The following ZNF280D variants were observed in gnomAD, a reference collection of about 807,000 sequenced individuals.
The protein encoded by ZNF280D is suppressor of hairy wing homolog 4.
A neutral mutation model predicts 94.7 loss-of-function variants in ZNF280D; 39 were observed. The observed-to-expected ratio is 0.41, with a 90% confidence interval of 0.32 to 0.54. ZNF280D has a LOEUF of 0.54. Ranked by LOEUF, ZNF280D falls within the 20% of genes least tolerant of loss-of-function variation. The pLI is 0.22. For synonymous variants in ZNF280D, 398 were observed against 377.6 expected (o/e 1.05, Z -0.63); for missense variants, 1,090 against 1,149.3 (o/e 0.95, Z 0.75).
At chr15:56,644,746 T>C (rs2052797054) in intron 19 of ZNF280D, among the ~76,000 whole-genome samples, 1 of 152,156 alleles carries the variant, frequency 6.6e-6, no homozygotes. Flanking sequence ...ATTGCTGGCA[T>C]TTCAACAGAG....
At chr15:56,647,740 A>G (rs1314552972) in intron 19 of ZNF280D, among the ~76,000 whole-genome samples, 1 of 152,116 alleles carries the variant, frequency 6.6e-6, no homozygotes, top group Non-Finnish European at 1.5e-5. Flanking sequence ...CATGTTGCGC[A>G]GGCTGGTCTC....
chr15:56,670,132 C>T (rs1384924922), intron 13 of ZNF280D, among the ~76,000 whole-genome samples: 1 of 129,130 alleles, frequency 7.7e-6, no homozygotes, highest in East Asian at 2.3e-4. Context: ...TAAAGGAATG[C>T]CTTATCTAAA....
At chr15:56,697,692 G>C (rs1173425831) in intron 6 of ZNF280D, 2 of 152,028 alleles carry the variant, frequency 1.3e-5, no homozygotes, top group African/African-American at 4.8e-5. Flanking sequence ...AACCCAAAAA[G>C]ACTTTTTGTT....
intron 9 of ZNF280D, among the ~76,000 whole-genome samples, chr15:56,686,320 G>C (rs1363510513): frequency 6.6e-6 from 1 of 152,138 alleles, no homozygotes; most frequent in Non-Finnish European, 1.5e-5. Context: ...TGTATTTTTA[G>C]TAGAGATGGG....
intron 19 of ZNF280D, among the ~76,000 whole-genome samples, chr15:56,648,712 A>G (rs1210395637): frequency 2.6e-5 from 4 of 152,194 alleles, no homozygotes; most frequent in African/African-American, 9.7e-5. Flanking sequence ...GAGTAAATAA[A>G]TGCAAAACAC....
Position 56,733,310 on chromosome 15 carries a change from C to A in ZNF280D, c.-86+148G>T, listed in dbSNP as rs973400826. 3.7e-5 allele frequency: 11 copies of A among 300,254 alleles called. No individual in the cohort carries two copies. The South Asian group carries it at 1.4e-3, about 38-fold the overall frequency. The allele number at this position is 300,254 out of a possible 1,614,324, so 18.6% of individuals were successfully genotyped here. A position where few individuals can be genotyped will look rare whatever the true frequency, so the allele number is the denominator to read the frequency against. On this transcript the variant is annotated intron_variant, in intron 1 of 21. Coordinates refer to ENST00000267807, the MANE Select transcript of ZNF280D (RefSeq NM_017661.4). ...GTCCGGCCGCCGCCGCGCAGCCGGTCTCCTCCCCCGCGCTCTGGGCGCTCC... is the reference window on the plus strand; with the variant it reads ...GTCCGGCCGCCGCCGCGCAGCCGGTATCCTCCCCCGCGCTCTGGGCGCTCC...
At chr15:56,714,769 A>C (rs1430389688) in intron 1 of ZNF280D, among the ~76,000 whole-genome samples, 2 of 152,200 alleles carry the variant, frequency 1.3e-5, no homozygotes, top group Admixed American at 6.5e-5. Context: ...TGAAGCCAAA[A>C]CAATTCTCCA....
intron 1 of ZNF280D, among the ~76,000 whole-genome samples, chr15:56,721,729 A>C (rs2058372844): frequency 6.6e-6 from 1 of 152,238 alleles, no homozygotes; most frequent in African/African-American, 2.4e-5. Context: ...CCTTTGGCTT[A>C]AGGGAATGTT....
intron 13 of ZNF280D, among the ~76,000 whole-genome samples, chr15:56,675,645 T>A (rs909286982): frequency 3.3e-5 from 5 of 152,024 alleles, no homozygotes; most frequent in African/African-American, 1.2e-4. Context: ...ATGTGTGGCA[T>A]CCTAGTCACA....
rs114461476 is a variant in ZNF280D at position 56,671,511 on chromosome 15, C to T, written c.1411-2554G>A. On this transcript the variant is annotated intron_variant, in intron 13 of 21. Transcript: ENST00000267807. The stretch of plus-strand genomic sequence containing the variant: ...AGGTGTGCGGTTTTATTTCTGGGTT[C>T]TCTATACTATTCCATTGTTCTATGC... Among the ~76,000 whole-genome samples, 264 of 152,152 alleles carry T rather than the reference C, an allele frequency of 1.7e-3. 1 individual carries two copies. Among genetic ancestry groups the T allele is most frequent in the African/African-American group, 6.1e-3 (253 of 41,520 alleles).
chr15:56,719,016 T>C lies in ZNF280D; in HGVS notation c.-85-11710A>G, dbSNP rs1228031834. ...TCCAGATCACTTCCTCCTTAAATAA[T>C]GTAAAAACAGGTTTTCCACAAAGTT... On this transcript the variant is annotated intron_variant, in intron 1 of 21. Transcript: ENST00000267807. Among the ~76,000 whole-genome samples the C allele has an allele frequency of 3.3e-5, 5 of 152,192 alleles. No homozygotes were observed. The East Asian group carries it at 7.7e-4, about 23-fold the overall frequency.
Position 56,668,967 on chromosome 15 carries a change from A to G in ZNF280D, c.1411-10T>C. 6.3e-7 allele frequency: 1 copy of G among 1,597,606 alleles called. No individual in the cohort carries two copies. The highest frequency in any genetic ancestry group is 8.5e-7 in the Non-Finnish European group (1 of 1,174,862). ...GATGTATTCCTTTTTTCTGTTTAGA[A>G]AAAAACAGAAAAAGGGGGAAAAATA... On this transcript the variant is annotated splice_polypyrimidine_tract_variant and intron_variant, in intron 13 of 21. Transcript: ENST00000267807.
Position 56,654,457 on chromosome 15 carries a change from A to C in ZNF280D, c.2104T>G (p.Ser702Ala). 1 of 1,610,488 alleles carries C rather than the reference A, an allele frequency of 6.2e-7. No homozygotes were observed. Among genetic ancestry groups the C allele is most frequent in the Non-Finnish European group, 8.5e-7 (1 of 1,178,976 alleles). ...CLNCDFLSDV[S>A]GLDNMATHLS... ...TGTGTAGCCATATTATCTAAGCCAG[A>C]AACATCACTTAGGAAATCACAATTA... The change falls in exon 18 of 22, where the codon TCT becomes GCT. Residue 702 changes from serine (S) to alanine (A), a missense_variant. Transcript: ENST00000267807.
In ZNF280D at chr15:56,682,280, G is replaced by A; in HGVS notation, c.978C>T (p.Cys326=). The change falls in exon 10 of 22, where the codon TGC becomes TGT. Residue 326 remains cysteine (C), a synonymous_variant. Transcript: ENST00000267807. ...TAATGTTATTTTTTAGAATTTTCAA[G>A]CAACTGAAGCATTTAAAGGTTGTGT... ...KTHTTFKCFS[C]LKILKNNIRF... 6.4e-7 allele frequency: 1 copy of A among 1,562,578 alleles called. No individual in the cohort carries two copies. The highest frequency in any genetic ancestry group is 1.2e-5 in the South Asian group (1 of 81,704).
intron 1 of ZNF280D, among the ~76,000 whole-genome samples, chr15:56,718,624 T>C (rs2058174546): frequency 6.6e-6 from 1 of 152,170 alleles, no homozygotes; most frequent in Non-Finnish European, 1.5e-5. Context: ...TCACACAGGG[T>C]ACAGGGAATA....
At chr15:56,729,324 T>G (rs1343841375) in intron 1 of ZNF280D, among the ~76,000 whole-genome samples, 1 of 152,224 alleles carries the variant, frequency 6.6e-6, no homozygotes, top group Admixed American at 6.5e-5. Flanking sequence ...CTCTCCTTAG[T>G]TGGCACTGTT....
At chr15:56,657,078 A>G (rs1341743971) in intron 17 of ZNF280D, among the ~76,000 whole-genome samples, 4 of 152,172 alleles carry the variant, frequency 2.6e-5, no homozygotes, top group African/African-American at 9.6e-5. Flanking sequence ...GTATTCGCTA[A>G]ACTTATCTCT....
chr15:56,719,938 T>A (rs2058257823), intron 1 of ZNF280D, among the ~76,000 whole-genome samples: 1 of 142,594 alleles, frequency 7.0e-6, no homozygotes, highest in Non-Finnish European at 1.5e-5. Context: ...CTTCAGTGAG[T>A]CATAATCTTT....
chr15:56,670,009 A>ATTATATATATAAT (rs56365440), intron 13 of ZNF280D, among the ~76,000 whole-genome samples: 1 of 2,982 alleles, frequency 3.4e-4, no homozygotes, highest in Non-Finnish European at 4.8e-4. Context: ...ATATATATAT[A>ATTATATATATAAT]ATATATATAT....
Sources: allele counts gnomAD v4.1 joint callset (sites outside exome capture counted in the v4.1 genomes callset), GRCh38; gene constraint gnomAD v4.1.1; transcripts MANE v1.5; gene names NCBI Gene and HGNC (gene_info 2026-07-23, HGNC 2026-07-21).